CEP41: variants seen among roughly 807,000 people sequenced by gnomAD.
CEP41 encodes centrosomal protein 41, also known as centrosomal protein of 41 kDa.
A neutral mutation model predicts 44.3 loss-of-function variants in CEP41; 32 were observed. The ratio of observed to expected loss-of-function variants is 0.72; its 90% confidence interval spans 0.54 to 0.97. The LOEUF (loss-of-function observed/expected upper bound fraction) is 0.97. CEP41 is among the 50% of genes least tolerant of loss of function. The probability of loss-of-function intolerance (pLI) is 0.00; values close to 1 mark genes in which losing one functional copy is unlikely to be tolerated. For missense variants in CEP41, 432 were observed against 455.2 expected (o/e 0.95, Z 0.46); for synonymous variants, 151 against 168.5 (o/e 0.90, Z 0.80).
intron 1 of CEP41, among the ~76,000 whole-genome samples, chr7:130,438,516 C>T (rs1194989861): frequency 2.3e-4 from 35 of 151,882 alleles, no homozygotes; most frequent in Non-Finnish European, 2.9e-5. Context: ...CTGAAATCTC[C>T]CCACTGCACT....
At chr7:130,399,386 G>C in intron 10 of CEP41, 1 of 328,334 alleles carries the variant, frequency 3.0e-6, no homozygotes, top group Non-Finnish European at 5.7e-6. Context: ...GTGAAACTAA[G>C]GTAGGAAGAC....
intron 6 of CEP41, 133 bp from the exon 7 acceptor site, chr7:130,402,932 G>T (rs1202196184): frequency 2.2e-6 from 2 of 921,808 alleles, no homozygotes; most frequent in African/African-American, 1.6e-5. Context: ...AAGGAAAATG[G>T]ACGTGGTGTC....
intron 3 of CEP41, among the ~76,000 whole-genome samples, chr7:130,412,488 C>A (rs1402033410): frequency 6.6e-6 from 1 of 152,144 alleles, no homozygotes; most frequent in Admixed American, 6.5e-5. Context: ...CTAGTGACTA[C>A]CCCTTGCCTT....
At chr7:130,408,999 G>T (rs1554418828) in intron 5 of CEP41, among the ~76,000 whole-genome samples, 1 of 152,134 alleles carries the variant, frequency 6.6e-6, no homozygotes, top group East Asian at 1.9e-4. Context: ...ATTTAATTGG[G>T]GTGAGGGGTT....
At position 130,395,489 on chromosome 7, in the gene CEP41, G is replaced by C. The variant is rs1335684812; in HGVS notation, c.*3402C>G. On this transcript the variant is annotated 3_prime_UTR_variant, in exon 11 of 11. Coordinates refer to ENST00000223208, the MANE Select transcript of CEP41 (RefSeq NM_018718.3). Reference sequence around the variant, plus strand: ...GTTCTTACTGATTATCTTCAGAGTAGAGCAAGAAGGTGGTCATGGATTTAA... The same window carrying C: ...GTTCTTACTGATTATCTTCAGAGTACAGCAAGAAGGTGGTCATGGATTTAA... The C allele has an allele frequency of 2.2e-6, 1 of 453,996 alleles. No individual in the cohort carries two copies. Among genetic ancestry groups the C allele is most frequent in the Non-Finnish European group, 4.4e-6 (1 of 226,796 alleles). 28.1% of individuals were successfully genotyped at this position (453,996 alleles called of 1,614,324 possible). A position where few individuals can be genotyped will look rare whatever the true frequency, so the allele number is the denominator to read the frequency against.
intron 1 of CEP41, 37 bp downstream of exon 1, chr7:130,440,897 G>GC (rs1554427495): frequency 6.3e-7 from 1 of 1,593,230 alleles, no homozygotes; most frequent in African/African-American, 1.3e-5. Context: ...CGGTGCGCCC[G>GC]CCCCCTCCGG....
At chr7:130,420,170 A>C (rs1279792904) in intron 2 of CEP41, 1 of 559,618 alleles carries the variant, frequency 1.8e-6, no homozygotes, top group Non-Finnish European at 2.3e-6. Flanking sequence ...AAACACACAC[A>C]TACACAAAAA....
intron 10 of CEP41, 113 bp downstream of exon 10, chr7:130,399,926 A>G: frequency 1.2e-6 from 1 of 860,126 alleles, no homozygotes; most frequent in Non-Finnish European, 2.0e-6. Flanking sequence ...CACCTGTAAC[A>G]TACCTCCCTA....
intron 1 of CEP41, among the ~76,000 whole-genome samples, chr7:130,431,762 G>C (rs1554425119): frequency 6.6e-6 from 1 of 152,124 alleles, no homozygotes. Context: ...GGCCGGCCTG[G>C]AGCATAGCGG....
intron 2 of CEP41, among the ~76,000 whole-genome samples, chr7:130,425,638 T>C (rs146738203): frequency 7.7e-4 from 117 of 152,338 alleles, no homozygotes; most frequent in African/African-American, 2.6e-3. Flanking sequence ...TGACCAGCAG[T>C]TGTACTCCTG....
chr7:130,438,203 G>A (rs1306392670), intron 1 of CEP41, among the ~76,000 whole-genome samples: 1 of 152,112 alleles, frequency 6.6e-6, no homozygotes, highest in Non-Finnish European at 1.5e-5. Flanking sequence ...TTTTGCCCCC[G>A]TAAATATTTA....
At chr7:130,432,791 C>G (rs1797861636) in intron 1 of CEP41, among the ~76,000 whole-genome samples, 1 of 151,864 alleles carries the variant, frequency 6.6e-6, no homozygotes, top group Non-Finnish European at 1.5e-5. Context: ...ATGGAAGTAC[C>G]TAGTTGGCTA....
intron 3 of CEP41, among the ~76,000 whole-genome samples, chr7:130,412,578 C>T (rs1446908792): frequency 6.6e-6 from 1 of 152,070 alleles, no homozygotes; most frequent in Non-Finnish European, 1.5e-5. Flanking sequence ...TTTTGTAAGC[C>T]GCCTCAAATC....
chr7:130,434,877 T>C (rs909159569), intron 1 of CEP41, among the ~76,000 whole-genome samples: 6 of 152,156 alleles, frequency 3.9e-5, no homozygotes, highest in East Asian at 1.9e-4. Context: ...AACTGAAGTA[T>C]ACAGATAATC....
chr7:130,395,943 T>C lies in CEP41; in HGVS notation c.*2948A>G. ...GGCCATTTAAATCATTCCATACTTT[T>C]TCAAGAGATTGAGCCTGACATTATT... is the stretch of plus-strand genomic sequence containing the variant. On this transcript the variant is annotated 3_prime_UTR_variant, in exon 11 of 11. Transcript: ENST00000223208. 1 of 453,088 alleles carries C rather than the reference T, an allele frequency of 2.2e-6. No individual in the cohort carries two copies. The highest frequency in any genetic ancestry group is 4.4e-6 in the Non-Finnish European group (1 of 226,684). The allele number at this position is 453,088 out of a possible 1,614,324, so 28.1% of individuals were successfully genotyped here.
intron 3 of CEP41, among the ~76,000 whole-genome samples, chr7:130,412,997 A>T (rs1034130611): frequency 3.9e-4 from 60 of 152,054 alleles, no homozygotes; most frequent in African/African-American, 1.4e-3. Flanking sequence ...GTTGTTTACT[A>T]CCATTTTATT....
rs1562978040 is a variant in CEP41, at chr7:130,401,867, G to C, written c.642+14C>G. ...CTCATACCACCCAATTCCTTAAAATGCAACAAAGGATACATATTCAAGAAT... is the reference window on the plus strand; with the variant it reads ...CTCATACCACCCAATTCCTTAAAATCCAACAAAGGATACATATTCAAGAAT... On this transcript the variant is annotated intron_variant, in intron 8 of 10. Coordinates refer to ENST00000223208, the MANE Select transcript of CEP41 (RefSeq NM_018718.3). 1.9e-6 allele frequency: 3 copies of C among 1,553,718 alleles called. No individual in the cohort carries two copies. The highest frequency in any genetic ancestry group is 2.7e-6 in the Non-Finnish European group (3 of 1,125,310).
upstream of CEP41, chr7:130,441,087 T>G: frequency 8.4e-7 from 1 of 1,184,226 alleles, no homozygotes; most frequent in Non-Finnish European, 1.2e-6. Context: ...TTGGCCCGTC[T>G]TCCCCGGCCG....
rs1311374505 is a variant in CEP41, at chr7:130,421,909, GTGAC to G, written c.98-4947_98-4944del. The G allele has an allele frequency of 2.0e-6, 3 of 1,534,000 alleles. No homozygotes were observed. In the East Asian group the frequency reaches 7.3e-5, roughly 38 times the overall value. ...GAGAATATACAAGAACCCTGCGGTG[GTGAC>G]TGAACAAAACGCAGCCAGGGATTTC... On this transcript the variant is annotated intron_variant, in intron 2 of 10. Transcript: ENST00000223208.
Sources: allele counts gnomAD v4.1 joint callset (sites outside exome capture counted in the v4.1 genomes callset), GRCh38; gene constraint gnomAD v4.1.1; transcripts MANE v1.5; gene names NCBI Gene and HGNC (gene_info 2026-07-23, HGNC 2026-07-21).